Variants in LMTK2 observed in about 807,000 individuals in gnomAD.
LMTK2 encodes serine/threonine-protein kinase LMTK2.
Under a neutral mutation model 127.5 loss-of-function variants are expected in LMTK2, and 37 were observed. The observed-to-expected ratio is 0.29, with a 90% CI of 0.22 to 0.38. The LOEUF is 0.38. Ranked by LOEUF, LMTK2 falls within the 10% of genes least tolerant of loss-of-function variation. The probability of loss-of-function intolerance (pLI) is 1.00; values close to 1 mark genes in which losing one functional copy is unlikely to be tolerated. For missense variants in LMTK2, 1,694 were observed against 1,920.3 expected (o/e 0.88, Z 2.20); for synonymous variants, 819 against 810.1 (o/e 1.01, Z -0.19).
At chr7:98,114,058 C>A (rs897971441) in intron 1 of LMTK2, among the ~76,000 whole-genome samples, 3 of 152,012 alleles carry the variant, frequency 2.0e-5, no homozygotes, top group Admixed American at 1.3e-4. Flanking sequence ...GCAGCCACAG[C>A]ATTGATCAGT....
At position 98,137,355 on chromosome 7, in the gene LMTK2, G is replaced by A; in HGVS notation, c.144G>A (p.Val48=). The change falls in exon 2 of 14, where the codon GTG becomes GTA. Residue 48 remains valine (V), a synonymous_variant. Transcript: ENST00000297293. ...CTGCAGAAGTTTCCTCATCTTTTGT[G>A]ATCCTGTGTGTGTGCAGTTTAATAA... is the stretch of plus-strand genomic sequence containing the variant. The part of the protein sequence containing the change: ...PPAAEVSSSF[V]ILCVCSLIIL... 1 of 1,613,396 alleles carries A rather than the reference G, an allele frequency of 6.2e-7. No individual in the cohort carries two copies. The highest frequency in any genetic ancestry group is 8.5e-7 in the Non-Finnish European group (1 of 1,179,774).
At position 98,171,584 on chromosome 7, in the gene LMTK2, G is replaced by A. The variant is rs755759182; in HGVS notation, c.701G>A (p.Arg234Gln). ...CTGCGCAGCGAGCAGGAGCACATGC[G>A]GGGGGACTCACAGACCATGCTGCTG... ...AYLRSEQEHM[R>Q]GDSQTMLLQR... The change falls in exon 7 of 14, where the codon CGG becomes CAG. Residue 234 changes from arginine (R) to glutamine (Q), a missense_variant. By Grantham distance (43) the Arg-to-Gln change is conservative. Transcript: ENST00000297293. This position sits in a 1 kb window ranked among gnomAD's most constrained non-coding sequence, Gnocchi z 5.1. 7 of 1,613,534 alleles carry A rather than the reference G, an allele frequency of 4.3e-6. No individual in the cohort carries two copies. The highest frequency in any genetic ancestry group is 2.2e-5 in the South Asian group (2 of 91,028).
Position 98,194,631 on chromosome 7 carries a change from C to T in LMTK2, c.4107+59C>T. 7.0e-7 allele frequency: 1 copy of T among 1,434,370 alleles called. No homozygotes were observed. The highest frequency in any genetic ancestry group is 1.4e-5 in the African/African-American group (1 of 70,632). 88.9% of individuals were successfully genotyped at this position (1,434,370 alleles called of 1,614,324 possible). ...ATCCATATAAGGATTCCAAAATGTG[C>T]TAGGAAATTGAGTGTGGTCTGTTTT... On this transcript the variant is annotated intron_variant, in intron 11 of 13. Transcript: ENST00000297293. The surrounding 1 kb of genome is among the most constrained non-coding windows in gnomAD (Gnocchi z 5.4).
intron 1 of LMTK2, among the ~76,000 whole-genome samples, chr7:98,135,474 G>A (rs1449135924): frequency 6.6e-6 from 1 of 151,798 alleles, no homozygotes; most frequent in Non-Finnish European, 1.5e-5. Context: ...ACCACGCCCA[G>A]CTAACTTTTA....
chr7:98,165,499 T>C (rs1384444884), intron 6 of LMTK2, among the ~76,000 whole-genome samples: 1 of 152,156 alleles, frequency 6.6e-6, no homozygotes, highest in East Asian at 1.9e-4. Context: ...TTTTTAAAAA[T>C]AGAAATGGGG....
At chr7:98,199,859 A>G (rs370523137) in intron 11 of LMTK2, among the ~76,000 whole-genome samples, 3 of 152,166 alleles carry the variant, frequency 2.0e-5, no homozygotes, top group African/African-American at 7.2e-5. Flanking sequence ...ATCTACCTGT[A>G]TCATTATATT....
At chr7:98,180,918 C>T (rs1055455037) in intron 7 of LMTK2, among the ~76,000 whole-genome samples, 15 of 151,928 alleles carry the variant, frequency 9.9e-5, no homozygotes, top group African/African-American at 3.4e-4. Context: ...GTTCCGGTTC[C>T]GTGAGCGCCC....
chr7:98,181,640 A>G (rs1424019310), intron 7 of LMTK2, among the ~76,000 whole-genome samples: 1 of 152,162 alleles, frequency 6.6e-6, no homozygotes, highest in Non-Finnish European at 1.5e-5. Context: ...AACTTCATAT[A>G]TATGGTCAAA....
At chr7:98,196,254 G>A (rs1400495943) in intron 11 of LMTK2, among the ~76,000 whole-genome samples, 1 of 151,918 alleles carries the variant, frequency 6.6e-6, no homozygotes, top group Non-Finnish European at 1.5e-5. Flanking sequence ...TCTGCGAGGG[G>A]CCAGGAGGCC....
chr7:98,160,594 C>T (rs1298665135), intron 6 of LMTK2, among the ~76,000 whole-genome samples: 1 of 152,106 alleles, frequency 6.6e-6, no homozygotes, highest in Non-Finnish European at 1.5e-5. Context: ...GATGTTGTTC[C>T]TTAAAGCATT....
chr7:98,174,190 G>T (rs1797242225), intron 7 of LMTK2, among the ~76,000 whole-genome samples: 1 of 148,472 alleles, frequency 6.7e-6, no homozygotes, highest in Non-Finnish European at 1.5e-5. Context: ...GATCTTTTTT[G>T]TCAGTAGCAT....
At position 98,192,037 on chromosome 7, in the gene LMTK2, C is replaced by T. The variant is rs1252669693; in HGVS notation, c.1572C>T (p.Asp524=). The part of the protein sequence containing the change: ...LSDPGPGKQD[D]SGQDVPLRVP... ...ATCCTGGGCCCGGAAAGCAAGATGACAGCGGCCAGGATGTCCCCCTGAGGG... is the reference window on the plus strand; with the variant it reads ...ATCCTGGGCCCGGAAAGCAAGATGATAGCGGCCAGGATGTCCCCCTGAGGG... The change falls in exon 11 of 14, where the codon GAC becomes GAT. Residue 524 remains aspartate (D), a synonymous_variant. Coordinates refer to ENST00000297293, the MANE Select transcript of LMTK2 (RefSeq NM_014916.4). The T allele has an allele frequency of 1.2e-6, 2 of 1,604,934 alleles. No individual in the cohort carries two copies. Among genetic ancestry groups the T allele is most frequent in the Non-Finnish European group, 1.7e-6 (2 of 1,173,448 alleles).
At chr7:98,135,468 C>A (rs904411833) in intron 1 of LMTK2, among the ~76,000 whole-genome samples, 1 of 151,946 alleles carries the variant, frequency 6.6e-6, no homozygotes, top group African/African-American at 2.4e-5. Flanking sequence ...CGTGTCACCA[C>A]GCCCAGCTAA....
chr7:98,151,309 G>A (rs560185729), intron 3 of LMTK2, 73 bp from the exon 4 acceptor site: 4 of 988,504 alleles, frequency 4.0e-6, no homozygotes, highest in East Asian at 5.4e-5. Flanking sequence ...TTATGTTAGT[G>A]TTCATACTTT....
intron 3 of LMTK2, among the ~76,000 whole-genome samples, chr7:98,141,763 G>A (rs896116823): frequency 1.3e-5 from 2 of 152,134 alleles, no homozygotes; most frequent in Admixed American, 6.6e-5. Flanking sequence ...AGAATAAAAC[G>A]AATCTCCTTG....
chr7:98,204,220 CA>C (rs760393363), intron 13 of LMTK2, 34 bp downstream of exon 13: 3 of 1,593,054 alleles, frequency 1.9e-6, no homozygotes, highest in Non-Finnish European at 2.6e-6. Context: ...ATTGGGAGTG[CA>C]GGGTCGGGGG....
chr7:98,159,323 T>C lies in LMTK2; in HGVS notation c.570-15T>C. ...GCTTCCTGATGAACAATATTATGGCTTTTATTTTTCCCAGCATTCTTCAGC... is the reference window on the plus strand; with the variant it reads ...GCTTCCTGATGAACAATATTATGGCCTTTATTTTTCCCAGCATTCTTCAGC... On this transcript the variant is annotated splice_polypyrimidine_tract_variant and intron_variant, in intron 5 of 13. Transcript: ENST00000297293. 6.4e-7 allele frequency: 1 copy of C among 1,570,020 alleles called. No individual in the cohort carries two copies. Among genetic ancestry groups the C allele is most frequent in the Non-Finnish European group, 8.7e-7 (1 of 1,150,202 alleles).
At chr7:98,164,112 A>C (rs1797055393) in intron 6 of LMTK2, among the ~76,000 whole-genome samples, 1 of 152,270 alleles carries the variant, frequency 6.6e-6, no homozygotes, top group Admixed American at 6.5e-5. Context: ...TTATGAAAGT[A>C]AATGAAAACT....
chr7:98,124,999 A>C (rs897489529), intron 1 of LMTK2, among the ~76,000 whole-genome samples: 5 of 152,162 alleles, frequency 3.3e-5, no homozygotes, highest in African/African-American at 1.2e-4. Context: ...TCATTCCATA[A>C]AAAATAACAG....
Sources: allele counts gnomAD v4.1 joint callset (sites outside exome capture counted in the v4.1 genomes callset), GRCh38; gene constraint gnomAD v4.1.1; non-coding constraint Gnocchi (gnomAD v3.1); transcripts MANE v1.5; gene names NCBI Gene and HGNC (gene_info 2026-07-23, HGNC 2026-07-21).